ADCY2: variants seen among roughly 807,000 people sequenced by gnomAD.
ADCY2 encodes adenylate cyclase 2.
Under a neutral mutation model 125.2 loss-of-function variants are expected in ADCY2, and 31 were observed. The observed-to-expected ratio is 0.25, with a 90% CI of 0.19 to 0.33. ADCY2 has a LOEUF of 0.33. Ranked by LOEUF, ADCY2 falls within the 10% of genes least tolerant of loss-of-function variation. The pLI is 1.00. For missense variants in ADCY2, 904 were observed against 1,418.2 expected (o/e 0.64, Z 5.82); for synonymous variants, 512 against 548.4 (o/e 0.93, Z 0.93).
At chr5:7,559,169 G>T (rs1380778052) in intron 3 of ADCY2, among the ~76,000 whole-genome samples, 2 of 152,038 alleles carry the variant, frequency 1.3e-5, no homozygotes, top group Non-Finnish European at 2.9e-5. Context: ...CTCTTTTGGG[G>T]TTTAATATGA....
chr5:7,511,311 C>G (rs1315637930), intron 2 of ADCY2, among the ~76,000 whole-genome samples: 2 of 152,190 alleles, frequency 1.3e-5, no homozygotes, highest in Non-Finnish European at 2.9e-5. Context: ...GGCGGTGCCT[C>G]ACGCCTGTAA....
At chr5:7,498,080 A>C (rs557979823) in intron 2 of ADCY2, among the ~76,000 whole-genome samples, 34 of 152,126 alleles carry the variant, frequency 2.2e-4, no homozygotes, top group Non-Finnish European at 4.3e-4. Flanking sequence ...AACTTTATGG[A>C]TACTCTGTAG....
In ADCY2 at chr5:7,802,461, A is replaced by T; in HGVS notation, c.2775+97A>T. 1 of 1,408,116 alleles carries T rather than the reference A, an allele frequency of 7.1e-7. No homozygotes were observed. The highest frequency in any genetic ancestry group is 1.5e-5 in the South Asian group (1 of 66,708). The allele number at this position is 1,408,116 out of a possible 1,614,324, so 87.2% of individuals were successfully genotyped here. A position where few individuals can be genotyped will look rare whatever the true frequency, so the allele number is the denominator to read the frequency against. Reference sequence around the variant, plus strand: ...CAGGATAGTGGCCTATCCCAAAAAAACTTGTCCTTTGGCATAATTTCTGGC... The same window carrying T: ...CAGGATAGTGGCCTATCCCAAAAAATCTTGTCCTTTGGCATAATTTCTGGC... On this transcript the variant is annotated intron_variant, in intron 21 of 24. Transcript: ENST00000338316. This position sits in a 1 kb window ranked among gnomAD's most constrained non-coding sequence, Gnocchi z 4.6.
At chr5:7,680,355 A>C (rs980800604) in intron 4 of ADCY2, among the ~76,000 whole-genome samples, 2 of 152,180 alleles carry the variant, frequency 1.3e-5, no homozygotes, top group Admixed American at 1.3e-4. Context: ...CAAAATGCTG[A>C]TAGCGCTGAG....
chr5:7,715,854 T>G (rs376579250), intron 11 of ADCY2, among the ~76,000 whole-genome samples: 1 of 152,330 alleles, frequency 6.6e-6, no homozygotes, highest in East Asian at 1.9e-4. Flanking sequence ...TATTCTTATC[T>G]ATATGTAGAG....
intron 2 of ADCY2, among the ~76,000 whole-genome samples, chr5:7,425,738 G>A (rs1006073575): frequency 1.1e-4 from 16 of 152,172 alleles, no homozygotes; most frequent in African/African-American, 3.6e-4. Flanking sequence ...TTTGCCTGCC[G>A]GAGGCTTCAC....
chr5:7,683,180 C>T (rs974262988), intron 4 of ADCY2, among the ~76,000 whole-genome samples: 1 of 152,212 alleles, frequency 6.6e-6, no homozygotes, highest in Non-Finnish European at 1.5e-5. Flanking sequence ...GCTCAACCTC[C>T]TCTTACTCTA....
intron 2 of ADCY2, among the ~76,000 whole-genome samples, chr5:7,445,720 A>ATCAT (rs1741222781): frequency 6.6e-6 from 1 of 152,146 alleles, no homozygotes; most frequent in African/African-American, 2.4e-5. Flanking sequence ...TGCATTTTTT[A>ATCAT]TCATTCATTC....
At chr5:7,398,387 G>T (rs1739139992) in intron 1 of ADCY2, among the ~76,000 whole-genome samples, 1 of 152,186 alleles carries the variant, frequency 6.6e-6, no homozygotes, top group Non-Finnish European at 1.5e-5. Flanking sequence ...CTTTGTATTT[G>T]TGTGTCTATA....
chr5:7,445,943 TC>T (rs1357247028), intron 2 of ADCY2, among the ~76,000 whole-genome samples: 3 of 152,244 alleles, frequency 2.0e-5, no homozygotes, highest in Admixed American at 6.5e-5. Context: ...ATGTCTTTTC[TC>T]CTTCAATTCT....
At chr5:7,461,508 TA>T (rs1259588650) in intron 2 of ADCY2, among the ~76,000 whole-genome samples, 1 of 152,372 alleles carries the variant, frequency 6.6e-6, no homozygotes, top group East Asian at 1.9e-4. Flanking sequence ...AGCTTTTATT[TA>T]TTTTATAAGC....
intron 16 of ADCY2, among the ~76,000 whole-genome samples, chr5:7,759,189 A>G (rs1743112351): frequency 6.6e-6 from 1 of 152,116 alleles, no homozygotes; most frequent in Non-Finnish European, 1.5e-5. Context: ...TTCCTGTGTC[A>G]TGAGTTTGGG....
At position 7,648,797 on chromosome 5, in the gene ADCY2, T is replaced by C. The variant is rs535965625; in HGVS notation, c.720+22481T>C. On this transcript the variant is annotated intron_variant, in intron 4 of 24. Transcript: ENST00000338316. ...TTAAATTTGTGAAGTGAGTCATTTC[T>C]TTCATTGTAGGCAAAATAGATTTTC... 4.6e-5 allele frequency among the ~76,000 whole-genome samples: 7 copies of C among 152,368 alleles called. No individual in the cohort carries two copies. The South Asian group carries it at 1.4e-3, about 32-fold the overall frequency.
chr5:7,780,249 A>G (rs746732389), intron 18 of ADCY2, among the ~76,000 whole-genome samples: 28 of 152,306 alleles, frequency 1.8e-4, no homozygotes, highest in Non-Finnish European at 3.2e-4. Flanking sequence ...ACGCAGGACA[A>G]TGTTGTCTTC....
intron 24 of ADCY2, among the ~76,000 whole-genome samples, chr5:7,823,236 G>C (rs1197473441): frequency 6.6e-6 from 1 of 152,236 alleles, no homozygotes; most frequent in East Asian, 1.9e-4. Context: ...AGAAGGAAGA[G>C]ATAAAAGAAA....
chr5:7,426,257 T>A (rs1430482168), intron 2 of ADCY2, among the ~76,000 whole-genome samples: 2 of 152,228 alleles, frequency 1.3e-5, no homozygotes, highest in African/African-American at 4.8e-5. Context: ...ATCGTTTACT[T>A]TTTAGAACTA....
intron 2 of ADCY2, among the ~76,000 whole-genome samples, chr5:7,490,863 G>T (rs186677578): frequency 6.6e-6 from 1 of 152,170 alleles, no homozygotes; most frequent in Non-Finnish European, 1.5e-5. Context: ...CACAGTCACC[G>T]TAAGTCAGGT....
intron 2 of ADCY2, among the ~76,000 whole-genome samples, chr5:7,461,136 G>A (rs1254592645): frequency 2.0e-5 from 3 of 152,116 alleles, no homozygotes; most frequent in Non-Finnish European, 4.4e-5. Flanking sequence ...TGATGCCTGG[G>A]ATGAGGGTTC....
chr5:7,417,371 T>C (rs913438468), intron 2 of ADCY2, among the ~76,000 whole-genome samples: 8 of 152,218 alleles, frequency 5.3e-5, no homozygotes, highest in African/African-American at 1.9e-4. Flanking sequence ...GTTCTGTTAG[T>C]TGATCTGAGA....
Sources: allele counts gnomAD v4.1 joint callset (sites outside exome capture counted in the v4.1 genomes callset), GRCh38; gene constraint gnomAD v4.1.1; non-coding constraint Gnocchi (gnomAD v3.1); transcripts MANE v1.5; gene names NCBI Gene and HGNC (gene_info 2026-07-23, HGNC 2026-07-21).